The following CHLSN variants were observed in gnomAD, a reference collection of about 807,000 sequenced individuals.
The protein encoded by CHLSN is protein cholesin.
chr7:1,085,137 T>C, the CHLSN span, among the ~76,000 whole-genome samples: 1 of 152,256 alleles, frequency 6.6e-6, no homozygotes, highest in Non-Finnish European at 1.5e-5. Flanking sequence ...ACTGCCTTAC[T>C]TTGTGCGTGT....
chr7:1,075,122 C>T, the CHLSN span, among the ~76,000 whole-genome samples: 6 of 152,198 alleles, frequency 3.9e-5, no homozygotes, highest in African/African-American at 7.2e-5. Flanking sequence ...CAACACAACC[C>T]GTCCTCTGGC....
the CHLSN span, among the ~76,000 whole-genome samples, chr7:1,061,411 C>G: frequency 4.6e-5 from 7 of 152,168 alleles, no homozygotes; most frequent in African/African-American, 1.4e-4. Flanking sequence ...CAACCCCCTA[C>G]CCAGCGAGTC....
the CHLSN span, among the ~76,000 whole-genome samples, chr7:1,123,092 T>A: frequency 6.6e-6 from 1 of 152,188 alleles, no homozygotes; most frequent in African/African-American, 2.4e-5. The surrounding 1 kb of genome is among the most constrained non-coding windows in gnomAD (Gnocchi z 4.4). Flanking sequence ...CCTGAGGCCC[T>A]GGTGCCCAGG....
At chr7:1,058,521 G>A in the CHLSN span, 1 of 776,594 alleles carries the variant, frequency 1.3e-6, no homozygotes, top group Non-Finnish European at 2.4e-6. Context: ...GGCGTAGGCG[G>A]CCCAGCCCTC....
the CHLSN span, among the ~76,000 whole-genome samples, chr7:1,070,734 G>C: frequency 7.0e-6 from 1 of 142,112 alleles, no homozygotes; most frequent in South Asian, 2.3e-4. Flanking sequence ...ACACATGCAC[G>C]CACATATGCA....
the CHLSN span, among the ~76,000 whole-genome samples, chr7:1,129,463 T>C: frequency 6.9e-6 from 1 of 144,902 alleles, no homozygotes; most frequent in South Asian, 2.2e-4. Flanking sequence ...AGTGGCGCCA[T>C]CTCGGCTCAT....
At chr7:1,017,560 G>A in the CHLSN span, among the ~76,000 whole-genome samples, 6 of 152,172 alleles carry the variant, frequency 3.9e-5, no homozygotes, top group Non-Finnish European at 8.8e-5. Flanking sequence ...GGTGGGGAGG[G>A]CTCCACACAG....
At chr7:983,232 G>A in the CHLSN span, 4 of 1,527,800 alleles carry the variant, frequency 2.6e-6, no homozygotes, top group South Asian at 4.9e-5. Flanking sequence ...TGCTCTTGCT[G>A]TTCCTGGGCC....
the CHLSN span, chr7:1,138,147 C>G: frequency 6.6e-6 from 1 of 151,802 alleles, no homozygotes; most frequent in Non-Finnish European, 1.5e-5. Context: ...TCTCCTGGCG[C>G]CCTGACCCGC....
the CHLSN span, among the ~76,000 whole-genome samples, chr7:1,105,515 T>G: frequency 6.6e-6 from 1 of 152,364 alleles, no homozygotes; most frequent in African/African-American, 2.4e-5. Context: ...CACAGATTAC[T>G]GTGGTGACAC....
At chr7:1,055,489 A>C in the CHLSN span, 4 of 455,256 alleles carry the variant, frequency 8.8e-6, no homozygotes, top group Non-Finnish European at 1.8e-5. Context: ...TAAAGGTGAG[A>C]GCCTGTGGTG....
chr7:1,111,232 A>C, the CHLSN span, among the ~76,000 whole-genome samples: 1 of 152,264 alleles, frequency 6.6e-6, no homozygotes, highest in Admixed American at 6.5e-5. Context: ...ATGTTTTGCT[A>C]TTTAAAATAA....
chr7:1,050,012 G>C, the CHLSN span, among the ~76,000 whole-genome samples: 2 of 152,032 alleles, frequency 1.3e-5, no homozygotes, highest in African/African-American at 4.8e-5. Context: ...CAGGACACAC[G>C]GGCCCTCCCA....
chr7:1,091,771 T>C, the CHLSN span: 8 of 1,563,602 alleles, frequency 5.1e-6, no homozygotes, highest in Non-Finnish European at 6.9e-6. Context: ...CCTGGAGATG[T>C]ACCCAGGCAC....
chr7:1,020,991 G>A, the CHLSN span, among the ~76,000 whole-genome samples: 1 of 139,348 alleles, frequency 7.2e-6, no homozygotes, highest in African/African-American at 3.4e-5. Context: ...CTTCAGGCAG[G>A]TACCTCCAGG....
At chr7:998,539 G>A in the CHLSN span, among the ~76,000 whole-genome samples, 2 of 141,134 alleles carry the variant, frequency 1.4e-5, no homozygotes, top group African/African-American at 2.6e-5. Flanking sequence ...CCACCTCCCA[G>A]GTTCAAGTAA....
chr7:1,083,057 C>A, the CHLSN span, among the ~76,000 whole-genome samples: 1 of 152,174 alleles, frequency 6.6e-6, no homozygotes, highest in Non-Finnish European at 1.5e-5. Flanking sequence ...CTCCTGGGGG[C>A]GGAGGGTCCC....
the CHLSN span, chr7:1,057,984 C>T: frequency 1.8e-4 from 142 of 770,732 alleles, no homozygotes; most frequent in African/African-American, 1.0e-3. Context: ...TGGCGCGCTG[C>T]TGACCAGCTT....
the CHLSN span, among the ~76,000 whole-genome samples, chr7:1,113,772 C>T: frequency 6.6e-6 from 1 of 152,196 alleles, no homozygotes; most frequent in East Asian, 1.9e-4. Context: ...TAATTCCTAC[C>T]CGCGGGTGCC....
Sources: allele counts gnomAD v4.1 joint callset (sites outside exome capture counted in the v4.1 genomes callset), GRCh38; gene constraint gnomAD v4.1.1; non-coding constraint Gnocchi (gnomAD v3.1); transcripts MANE v1.5; gene names NCBI Gene and HGNC (gene_info 2026-07-23, HGNC 2026-07-21).